The following ACSBG1 variants were observed in gnomAD, a reference collection of about 807,000 sequenced individuals.
The protein encoded by ACSBG1 is long-chain-fatty-acid--CoA ligase ACSBG1.
A neutral mutation model predicts 80.2 loss-of-function variants in ACSBG1; 39 were observed. The observed-to-expected ratio is 0.49, with a 90% CI of 0.38 to 0.64. The LOEUF (loss-of-function observed/expected upper bound fraction) is 0.64. ACSBG1 is among the 30% of genes least tolerant of loss of function. The probability of loss-of-function intolerance (pLI) is 0.00; values close to 1 mark genes in which losing one functional copy is unlikely to be tolerated. For missense variants in ACSBG1, 828 were observed against 966.4 expected (o/e 0.86, Z 1.90); for synonymous variants, 392 against 379.5 (o/e 1.03, Z -0.38).
At chr15:78,183,110 G>A (rs534756201) in intron 5 of ACSBG1, among the ~76,000 whole-genome samples, 9 of 152,334 alleles carry the variant, frequency 5.9e-5, no homozygotes, top group Admixed American at 2.6e-4. Context: ...AAGAGGGAGA[G>A]GAGCAGAGGG....
intron 2 of ACSBG1, 85 bp downstream of exon 2, chr15:78,207,917 T>TCC (rs2075230363): frequency 2.9e-5 from 25 of 876,058 alleles, no homozygotes; most frequent in East Asian, 5.4e-5. Context: ...TGTGTGGTGG[T>TCC]CCCCCACACC....
Position 78,174,539 on chromosome 15 carries a change from C to G in ACSBG1, c.1703-15G>C. Reference sequence around the variant, plus strand: ...GATGATTAATTCTGGGGAGGCAAGGCCAGGCCCCCGGCACAGAATGTAGTC... The same window carrying G: ...GATGATTAATTCTGGGGAGGCAAGGGCAGGCCCCCGGCACAGAATGTAGTC... On this transcript the variant is annotated splice_polypyrimidine_tract_variant and intron_variant, in intron 11 of 13. Transcript: ENST00000258873. 1 of 1,610,970 alleles carries G rather than the reference C, an allele frequency of 6.2e-7. No individual in the cohort carries two copies. Among genetic ancestry groups the G allele is most frequent in the South Asian group, 1.1e-5 (1 of 90,570 alleles).
In ACSBG1 at chr15:78,180,740, G is replaced by A. The variant is rs202151408; in HGVS notation, c.1253+15C>T. 4.5e-4 allele frequency: 724 copies of A among 1,610,782 alleles called. No individual in the cohort carries two copies. Among genetic ancestry groups the A allele is most frequent in the Non-Finnish European group, 5.6e-4 (663 of 1,177,890 alleles). Reference sequence around the variant, plus strand: ...CACTCTCTCCCCAGGCCTCCCGCCCGTGGGCCCTCTGTACCTGCCGGGGCA... The same window carrying A: ...CACTCTCTCCCCAGGCCTCCCGCCCATGGGCCCTCTGTACCTGCCGGGGCA... On this transcript the variant is annotated intron_variant, in intron 9 of 13. Transcript: ENST00000258873.
In ACSBG1 at chr15:78,179,694, T is replaced by G. The variant is rs1018697707; in HGVS notation, c.1340A>C (p.Lys447Thr). ...CATGGGGGCCGCTCCATAGAAGTTC[T>G]TTTGACACTTGGCAAATCCCAGTGC... Reference protein sequence around the residue: ...RQALGFAKCQKNFYGAAPMMA... With the variant: ...RQALGFAKCQTNFYGAAPMMA... Residue 447 changes from lysine to threonine, a missense_variant, in exon 10 of 14, where the codon AAG becomes ACG. By Grantham distance (78) the Lys-to-Thr change is moderately conservative. Transcript: ENST00000258873. 6.8e-6 allele frequency: 11 copies of G among 1,614,064 alleles called. No individual in the cohort carries two copies. The Admixed American group carries it at 1.3e-4, about 20-fold the overall frequency.
chr15:78,193,708 C>T (rs1340713927), intron 4 of ACSBG1, 82 bp from the exon 5 acceptor site: 15 of 1,522,794 alleles, frequency 9.9e-6, no homozygotes, highest in Non-Finnish European at 1.3e-5. Flanking sequence ...CTGTAGCCCC[C>T]AGACCCAGAG....
chr15:78,207,920 C>CCCCCACCACCCCCCCCA, intron 2 of ACSBG1, 82 bp downstream of exon 2: 1 of 836,426 alleles, frequency 1.2e-6, no homozygotes, highest in Admixed American at 2.1e-5. Flanking sequence ...GTGGTGGTCC[C>CCCCCACCACCCCCCCCA]CCACACCACC....
chr15:78,215,731 A>AAAGAAAGAAAGGAAGAAAGAAAGAAAGG (rs1491122185), intron 1 of ACSBG1, among the ~76,000 whole-genome samples: 4 of 98,024 alleles, frequency 4.1e-5, no homozygotes, highest in Non-Finnish European at 9.1e-5. Flanking sequence ...AAAGAGAAAG[A>AAAGAAAGAAAGGAAGAAAGAAAGAAAGG]AAGAAAGAAA....
At chr15:78,181,320 G>C (rs1331214688) in intron 8 of ACSBG1, among the ~76,000 whole-genome samples, 1 of 152,036 alleles carries the variant, frequency 6.6e-6, no homozygotes, top group Non-Finnish European at 1.5e-5. Context: ...TTCTGGGAAA[G>C]TTTTCCTCAC....
intron 1 of ACSBG1, among the ~76,000 whole-genome samples, chr15:78,224,356 A>G (rs964334382): frequency 6.6e-6 from 1 of 152,214 alleles, no homozygotes; most frequent in Non-Finnish European, 1.5e-5. Flanking sequence ...AATGCACTAC[A>G]TTTTTGAATG....
chr15:78,227,434 C>G (rs1218015283), intron 1 of ACSBG1, among the ~76,000 whole-genome samples: 1 of 151,838 alleles, frequency 6.6e-6, no homozygotes. Flanking sequence ...ATGGAAATAA[C>G]CAATAAGCAC....
chr15:78,227,168 G>T (rs1306958959), intron 1 of ACSBG1, among the ~76,000 whole-genome samples: 1 of 129,174 alleles, frequency 7.7e-6, no homozygotes, highest in East Asian at 2.3e-4. Flanking sequence ...GCAGTGAGCC[G>T]ATATCATGCC....
intron 1 of ACSBG1, among the ~76,000 whole-genome samples, chr15:78,234,153 G>A (rs1235318667): frequency 6.6e-6 from 1 of 152,248 alleles, no homozygotes; most frequent in Non-Finnish European, 1.5e-5. Context: ...CCCCTGGGAT[G>A]TGCCTCATTC....
At position 78,193,970 on chromosome 15, in the gene ACSBG1, C is replaced by T. The variant is rs779049682; in HGVS notation, c.504G>A (p.Pro168=). The T allele has an allele frequency of 3.0e-5, 49 of 1,614,032 alleles. No individual in the cohort carries two copies. Among genetic ancestry groups the T allele is most frequent in the East Asian group, 2.2e-4 (10 of 44,870 alleles). Residue 168 remains proline, a synonymous_variant, in exon 4 of 14, where the codon CCG becomes CCA. Coordinates refer to ENST00000258873, the MANE Select transcript of ACSBG1 (RefSeq NM_015162.5). The part of the protein sequence containing the change: ...HSVAILGFNS[P]EWFFSAVGTV... ...TGCCCACTGCCGAGAAGAACCACTC[C>T]GGGGAGTTGAAGCCGAGGATGGCCA...
chr15:78,231,091 C>T (rs951888697), intron 1 of ACSBG1, among the ~76,000 whole-genome samples: 5 of 152,140 alleles, frequency 3.3e-5, no homozygotes, highest in African/African-American at 1.2e-4. Flanking sequence ...GTAGCTGGGA[C>T]CACAGGTATG....
chr15:78,193,814 GGGA>G (rs1390526713), intron 4 of ACSBG1, 115 bp downstream of exon 4: 2 of 1,444,514 alleles, frequency 1.4e-6, no homozygotes, highest in African/African-American at 2.8e-5. Context: ...GAAGGCCCCA[GGGA>G]GGAGGCAGGA....
intron 1 of ACSBG1, chr15:78,213,329 C>G (rs1292246860): frequency 6.6e-6 from 1 of 152,382 alleles, no homozygotes; most frequent in Non-Finnish European, 1.5e-5. Context: ...AAAGATTGGG[C>G]CTCTGGCAGC....
intron 3 of ACSBG1, 25 bp downstream of exon 3, chr15:78,194,481 G>T (rs1349276651): frequency 1.2e-6 from 2 of 1,611,594 alleles, no homozygotes; most frequent in Non-Finnish European, 1.7e-6. Flanking sequence ...GAGGGGCAAG[G>T]CCTTGCCATG....
intron 5 of ACSBG1, among the ~76,000 whole-genome samples, chr15:78,187,098 C>T (rs577603652): frequency 6.6e-6 from 1 of 152,342 alleles, no homozygotes; most frequent in South Asian, 2.1e-4. Flanking sequence ...TTCCTTGACA[C>T]ATACACCCTC....
chr15:78,216,903 C>G (rs1478019128), intron 1 of ACSBG1, among the ~76,000 whole-genome samples: 1 of 152,266 alleles, frequency 6.6e-6, no homozygotes. Flanking sequence ...AGTTGGCAAG[C>G]AGCCTGGCCG....
Sources: allele counts gnomAD v4.1 joint callset (sites outside exome capture counted in the v4.1 genomes callset), GRCh38; gene constraint gnomAD v4.1.1; transcripts MANE v1.5; gene names NCBI Gene and HGNC (gene_info 2026-07-23, HGNC 2026-07-21).